Variants in RAP1A observed in about 807,000 individuals in gnomAD.
The protein encoded by RAP1A is RAP1A, member of RAS oncogene family.
In RAP1A, 6 loss-of-function variants were observed where a neutral mutation model predicts 26.4. That is an observed-to-expected ratio of 0.23 (90% CI 0.12 to 0.45). The LOEUF (loss-of-function observed/expected upper bound fraction) is 0.45. RAP1A is among the 20% of genes least tolerant of loss of function. The probability of loss-of-function intolerance (pLI) is 0.99; values close to 1 mark genes in which losing one functional copy is unlikely to be tolerated. For missense variants in RAP1A, 121 were observed against 217.2 expected, an observed-to-expected ratio of 0.56 and a Z score of 2.78; for synonymous variants, 73 against 79.4, an observed-to-expected ratio of 0.92 and a Z score of 0.43.
At chr1:111,649,880 C>A (rs1660207505) in intron 1 of RAP1A, among the ~76,000 whole-genome samples, 1 of 152,074 alleles carries the variant, frequency 6.6e-6, no homozygotes, top group South Asian at 2.1e-4. Flanking sequence ...GAATGTGAGA[C>A]CAGTTTGGTC....
At chr1:111,547,672 A>G (rs950756376) in intron 1 of RAP1A, among the ~76,000 whole-genome samples, 2 of 152,152 alleles carry the variant, frequency 1.3e-5, no homozygotes, top group African/African-American at 4.8e-5. Flanking sequence ...TTTTTTAAAG[A>G]TTAAGATATA....
At chr1:111,692,914 G>T (rs920625818) in intron 2 of RAP1A, among the ~76,000 whole-genome samples, 1 of 152,176 alleles carries the variant, frequency 6.6e-6, no homozygotes, top group African/African-American at 2.4e-5. Flanking sequence ...GATAAGCTTA[G>T]TTATCACTGC....
intron 1 of RAP1A, among the ~76,000 whole-genome samples, chr1:111,620,215 G>A (rs1474262854): frequency 1.3e-5 from 2 of 152,224 alleles, no homozygotes; most frequent in African/African-American, 2.4e-5. Context: ...GGCCCCGGCC[G>A]GCTGTGGGAG....
At chr1:111,547,494 A>AAT (rs1657077734) in intron 1 of RAP1A, among the ~76,000 whole-genome samples, 1 of 152,170 alleles carries the variant, frequency 6.6e-6, no homozygotes, top group Non-Finnish European at 1.5e-5. Flanking sequence ...AAAAAATATA[A>AAT]AATATAAACT....
chr1:111,613,621 A>T (rs1658964518), intron 1 of RAP1A, among the ~76,000 whole-genome samples: 1 of 152,244 alleles, frequency 6.6e-6, no homozygotes, highest in South Asian at 2.1e-4. Flanking sequence ...CTATGTGACT[A>T]GTACATAGCT....
upstream of RAP1A, among the ~76,000 whole-genome samples, chr1:111,618,848 C>T (rs997792161): frequency 7.4e-6 from 1 of 135,700 alleles, no homozygotes; most frequent in Non-Finnish European, 1.7e-5. Flanking sequence ...ATAAAATAGC[C>T]TTCTTCTCAT....
chr1:111,621,798 T>TA (rs1168627008), intron 1 of RAP1A, among the ~76,000 whole-genome samples: 3 of 152,186 alleles, frequency 2.0e-5, no homozygotes, highest in Non-Finnish European at 4.4e-5. Context: ...ACCATGAACT[T>TA]ATGTCTTAGA....
Position 111,714,963 on chromosome 1 carries a change from C to G in RAP1A, c.*2562C>G, listed in dbSNP as rs183056891. The G allele has an allele frequency of 3.3e-5, 5 of 152,274 alleles. No individual in the cohort carries two copies. The highest frequency in any genetic ancestry group is 1.3e-4 in the Admixed American group (2 of 15,284). The allele number at this position is 152,274 out of a possible 1,614,324, so 9.4% of individuals were successfully genotyped here. The stretch of plus-strand genomic sequence containing the variant: ...TTTAAGGAGGCTTCATGCCATAGTT[C>G]ATAGTTTGCTCTAATGGCTTGGTGG... On this transcript the variant is annotated 3_prime_UTR_variant, in exon 8 of 8. Coordinates refer to ENST00000369709, the MANE Select transcript of RAP1A (RefSeq NM_002884.4).
chr1:111,570,076 T>G (rs1167593459), intron 1 of RAP1A, among the ~76,000 whole-genome samples: 2 of 152,152 alleles, frequency 1.3e-5, no homozygotes, highest in Admixed American at 6.5e-5. Context: ...GGCAAAGTTG[T>G]GCCAACCTAA....
intron 1 of RAP1A, among the ~76,000 whole-genome samples, chr1:111,560,041 T>G (rs942347916): frequency 2.0e-5 from 3 of 152,240 alleles, no homozygotes; most frequent in Admixed American, 2.0e-4. Flanking sequence ...TAGGCAATTT[T>G]TTTCATTCAA....
intron 1 of RAP1A, chr1:111,627,664 T>G (rs1179613956): frequency 7.9e-5 from 12 of 152,134 alleles, no homozygotes. Context: ...AAAACCATCA[T>G]AGTGTATGAA....
intron 1 of RAP1A, among the ~76,000 whole-genome samples, chr1:111,573,828 T>G (rs1658096108): frequency 6.6e-6 from 1 of 152,240 alleles, no homozygotes; most frequent in Non-Finnish European, 1.5e-5. Context: ...GTAAATTTGT[T>G]TAAGTCCCTT....
chr1:111,593,090 C>G (rs977726842), intron 1 of RAP1A, among the ~76,000 whole-genome samples: 5 of 151,756 alleles, frequency 3.3e-5, no homozygotes, highest in Non-Finnish European at 7.4e-5. Flanking sequence ...GTGGAGGGGG[C>G]GGGGAGCCGG....
At position 111,554,025 on chromosome 1, in the gene RAP1A, T is replaced by C. The variant is rs547170229; in HGVS notation, c.-28+11516T>C. ...GCACAAAGCAGAAATGGAATGTGAC[T>C]GATTGGAATGGTTACGTGCATATGC... On this transcript the variant is annotated intron_variant, in intron 1 of 7. Coordinates refer to the RAP1A transcript ENST00000356415. Among the ~76,000 whole-genome samples the C allele has an allele frequency of 1.9e-3, 295 of 152,378 alleles. 1 individual carries two copies. The highest frequency in any genetic ancestry group is 3.0e-3 in the Non-Finnish European group (204 of 68,034).
chr1:111,566,281 G>A (rs536095569), intron 1 of RAP1A, among the ~76,000 whole-genome samples: 27 of 152,294 alleles, frequency 1.8e-4, no homozygotes, highest in Admixed American at 8.5e-4. Flanking sequence ...GGCAAGAGTC[G>A]GGGGCAGTGA....
intron 1 of RAP1A, among the ~76,000 whole-genome samples, chr1:111,597,891 TA>T (rs1557861176): frequency 6.6e-6 from 1 of 152,168 alleles, no homozygotes; most frequent in African/African-American, 2.4e-5. Context: ...TTGGAGATTA[TA>T]AAAGCTTAAG....
intron 1 of RAP1A, among the ~76,000 whole-genome samples, chr1:111,668,760 A>G (rs578010725): frequency 1.3e-5 from 2 of 152,230 alleles, no homozygotes; most frequent in African/African-American, 4.8e-5. Flanking sequence ...GTATGCGGTG[A>G]TGCACATCTG....
At chr1:111,704,287 A>T in intron 5 of RAP1A, 56 bp from the exon 6 acceptor site, 1 of 1,542,092 alleles carries the variant, frequency 6.5e-7, no homozygotes, top group Admixed American at 1.9e-5. Context: ...TTATTTTTTT[A>T]AAAGGCTAAG....
rs1571568181 is a variant in RAP1A, at chr1:111,695,216, T to A, written c.58-125T>A. The A allele has an allele frequency of 2.0e-5, 13 of 641,176 alleles. No homozygotes were observed. The East Asian group carries it at 2.1e-4, about 10-fold the overall frequency. 39.7% of individuals were successfully genotyped at this position (641,176 alleles called of 1,614,324 possible). A position where few individuals can be genotyped will look rare whatever the true frequency, so the allele number is the denominator to read the frequency against. ...ATATTGAAAGAATTAATAATATACT[T>A]TACATTTACGTGTTTACCCAGAATT... On this transcript the variant is annotated intron_variant, in intron 2 of 7. Coordinates refer to ENST00000369709, the MANE Select transcript of RAP1A (RefSeq NM_002884.4).
Sources: gnomAD v4.1 joint callset for allele counts (sites outside exome capture counted in the v4.1 genomes callset) on GRCh38, gnomAD v4.1.1 for gene constraint, MANE v1.5 for transcripts, NCBI Gene and HGNC (gene_info 2026-07-23, HGNC 2026-07-21) for gene names.